The following P2RY12 variants were observed in gnomAD, a reference collection of about 807,000 sequenced individuals.
P2RY12 encodes P2Y purinoceptor 12.
In P2RY12, 3 loss-of-function variants were observed where a neutral mutation model predicts 4.5. That is an observed-to-expected ratio of 0.67 (90% CI 0.31 to 1.74). The LOEUF (loss-of-function observed/expected upper bound fraction) is 1.74, where lower values mean the gene tolerates loss of function less well. Ranked by LOEUF, P2RY12 falls within the 40% of genes most tolerant of loss-of-function variation. The pLI, the probability that P2RY12 is intolerant of heterozygous loss-of-function variation, is 0.09. For missense variants in P2RY12, 356 were observed against 407.8 expected, an observed-to-expected ratio of 0.87 and a Z score of 1.09; for synonymous variants, 148 against 154.1, an observed-to-expected ratio of 0.96 and a Z score of 0.29.
intron 1 of P2RY12, chr3:151,355,955 C>T: frequency 1.2e-6 from 2 of 1,614,124 alleles, no homozygotes; most frequent in Non-Finnish European, 1.7e-6. Flanking sequence ...CCTATCATCT[C>T]CCTTTGGCTC....
chr3:151,342,898 T>C (rs1225175584), intron 1 of P2RY12, among the ~76,000 whole-genome samples: 28 of 152,172 alleles, frequency 1.8e-4, no homozygotes, highest in Non-Finnish European at 1.5e-5. Context: ...TTATTAATAA[T>C]CTCAACTATT....
intron 1 of P2RY12, among the ~76,000 whole-genome samples, chr3:151,343,446 T>G (rs947962262): frequency 1.3e-5 from 2 of 152,338 alleles, no homozygotes; most frequent in Non-Finnish European, 2.9e-5. Flanking sequence ...ACCACATACC[T>G]ATTTACAAAC....
intron 1 of P2RY12, among the ~76,000 whole-genome samples, chr3:151,367,442 G>C (rs567060538): frequency 6.6e-6 from 1 of 152,268 alleles, no homozygotes; most frequent in African/African-American, 2.4e-5. Flanking sequence ...TACAGCATTG[G>C]AATGTGGGTA....
chr3:151,367,665 A>G, intron 1 of P2RY12: 1 of 1,607,672 alleles, frequency 6.2e-7, no homozygotes, highest in Non-Finnish European at 8.5e-7. Context: ...CTTTCATTCC[A>G]TGATTCATTA....
At chr3:151,362,319 C>T (rs1012374777) in intron 1 of P2RY12, among the ~76,000 whole-genome samples, 1 of 152,062 alleles carries the variant, frequency 6.6e-6, no homozygotes, top group African/African-American at 2.4e-5. Flanking sequence ...CCCTACCTAG[C>T]CTTCAAGATC....
At chr3:151,366,235 T>G (rs1755252305) in intron 1 of P2RY12, among the ~76,000 whole-genome samples, 1 of 152,192 alleles carries the variant, frequency 6.6e-6, no homozygotes, top group Non-Finnish European at 1.5e-5. Context: ...TTTCTTTGTT[T>G]CCTGAAATTT....
At position 151,377,431 on chromosome 3, in the gene P2RY12, T is replaced by C. The variant is rs147290682; in HGVS notation, c.-180+7261A>G. Among the ~76,000 whole-genome samples, 9 of 152,336 alleles carry C rather than the reference T, an allele frequency of 5.9e-5. No individual in the cohort carries two copies. In the East Asian group the frequency reaches 1.7e-3, roughly 29 times the overall value. ...TTTGGTTCATGCTTTCAGTGTCCCT[T>C]AGTCTACTGTGTTACGTAGTATTCA... On this transcript the variant is annotated intron_variant, in intron 1 of 2. Coordinates refer to ENST00000302632, the MANE Select transcript of P2RY12 (RefSeq NM_022788.5).
intron 1 of P2RY12, among the ~76,000 whole-genome samples, chr3:151,381,485 ATGTTAC>A (rs1270466926): frequency 6.6e-6 from 1 of 152,178 alleles, no homozygotes; most frequent in Non-Finnish European, 1.5e-5. Flanking sequence ...TGCACTGGCC[ATGTTAC>A]TGTTCTTGAA....
intron 1 of P2RY12, chr3:151,357,295 G>C: frequency 6.2e-7 from 1 of 1,613,896 alleles, no homozygotes. Flanking sequence ...ACAGGACTGT[G>C]TGTCTGCATC....
chr3:151,375,517 T>A (rs1756724449), intron 1 of P2RY12, among the ~76,000 whole-genome samples: 1 of 152,052 alleles, frequency 6.6e-6, no homozygotes, highest in Non-Finnish European at 1.5e-5. Context: ...CCTAAGAAAA[T>A]TATTGTATAA....
chr3:151,345,517 C>CTTTTTTTTTTTTTT (rs201731496), intron 1 of P2RY12, among the ~76,000 whole-genome samples: 2 of 131,648 alleles, frequency 1.5e-5, no homozygotes, highest in Non-Finnish European at 1.6e-5. Context: ...TTTTCTTTTT[C>CTTTTTTTTTTTTTT]TTTTTTTTTT....
chr3:151,377,124 T>C (rs1315050599), intron 1 of P2RY12: 2 of 1,613,928 alleles, frequency 1.2e-6, no homozygotes, highest in South Asian at 1.1e-5. Context: ...CCAAACAGTA[T>C]TGGAAGTGCT....
At chr3:151,360,327 A>T in intron 1 of P2RY12, 1 of 667,788 alleles carries the variant, frequency 1.5e-6, no homozygotes, top group East Asian at 2.8e-5. Flanking sequence ...TATTGTACTG[A>T]GTTATTTACT....
chr3:151,350,093 C>A (rs1255538927), intron 1 of P2RY12: 2 of 1,612,896 alleles, frequency 1.2e-6, no homozygotes, highest in Non-Finnish European at 1.7e-6. Context: ...AACCAGCGCA[C>A]AATCCTTCTC....
intron 1 of P2RY12, among the ~76,000 whole-genome samples, chr3:151,348,340 CAA>C (rs11382065): frequency 0.035 from 3,073 of 87,788 alleles, 45 homozygotes; most frequent in African/African-American, 0.11. Context: ...ACCACCAGAC[CAA>C]AAAAAAAAAA....
In P2RY12 at chr3:151,337,634, T is replaced by C; in HGVS notation, c.*183A>G. ...ACAGCTACAGTTTAGATTAGTTTTC[T>C]ATATTTTAAGATAGCTTTTCATACT... On this transcript the variant is annotated 3_prime_UTR_variant, in exon 3 of 3. Transcript: ENST00000302632. The C allele has an allele frequency of 1.6e-6, 1 of 635,036 alleles. No homozygotes were observed. 39.3% of individuals were successfully genotyped at this position (635,036 alleles called of 1,614,324 possible). A position where few individuals can be genotyped will look rare whatever the true frequency, so the allele number is the denominator to read the frequency against.
chr3:151,377,204 A>G lies in P2RY12; in HGVS notation c.-180+7488T>C, dbSNP rs775098509. 5.1e-6 allele frequency: 8 copies of G among 1,583,960 alleles called. 1 individual carries two copies. In the South Asian group the frequency reaches 6.9e-5, roughly 14 times the overall value. ...GTATTTTTGTCTGTTGTTTTATTGA[A>G]CTGTCATGAATTTTTCACAAGTAAC... On this transcript the variant is annotated intron_variant, in intron 1 of 2. Transcript: ENST00000302632.
chr3:151,365,641 T>C (rs1755183312), intron 1 of P2RY12, among the ~76,000 whole-genome samples: 1 of 152,254 alleles, frequency 6.6e-6, no homozygotes, highest in Non-Finnish European at 1.5e-5. Context: ...TATTGTTTGT[T>C]GCTTAACAGC....
intron 1 of P2RY12, chr3:151,355,143 C>CA: frequency 6.2e-7 from 1 of 1,613,686 alleles, no homozygotes; most frequent in Non-Finnish European, 8.5e-7. Flanking sequence ...GACAAAAAGC[C>CA]AGGAAGAACA....
Sources: gnomAD v4.1 joint callset for allele counts (sites outside exome capture counted in the v4.1 genomes callset) on GRCh38, gnomAD v4.1.1 for gene constraint, MANE v1.5 for transcripts, NCBI Gene and HGNC (gene_info 2026-07-23, HGNC 2026-07-21) for gene names.